The following HDAC4 variants were observed in gnomAD, a reference collection of about 807,000 sequenced individuals.
The protein encoded by HDAC4 is histone deacetylase A.
Under a neutral mutation model 135.1 loss-of-function variants are expected in HDAC4, and 16 were observed. That is an observed-to-expected ratio of 0.12 (90% CI 0.08 to 0.18). The LOEUF is 0.18. Among genes scored for constraint, HDAC4 ranks in the 10% least tolerant of loss-of-function variants. The pLI, the probability that HDAC4 is intolerant of heterozygous loss-of-function variation, is 1.00. For missense variants in HDAC4, 1,143 were observed against 1,511.8 expected, an observed-to-expected ratio of 0.76 and a Z score of 4.05; for synonymous variants, 685 against 653.4, an observed-to-expected ratio of 1.05 and a Z score of -0.74.
upstream of HDAC4, chr2:239,401,595 G>T: frequency 4.0e-6 from 1 of 248,434 alleles, no homozygotes; most frequent in Non-Finnish European, 7.9e-6. Flanking sequence ...ATGGGGTGCA[G>T]GCTAACGCGG....
chr2:239,255,277 T>G (rs1379640384), intron 2 of HDAC4, among the ~76,000 whole-genome samples: 1 of 149,250 alleles, frequency 6.7e-6, no homozygotes, highest in Non-Finnish European at 1.5e-5. Context: ...CGAGACTATG[T>G]GTAATCTTGT....
chr2:239,107,315 G>A (rs2038236959), intron 15 of HDAC4, among the ~76,000 whole-genome samples: 1 of 152,262 alleles, frequency 6.6e-6, no homozygotes, highest in African/African-American at 2.4e-5. Flanking sequence ...CAGGGCTCTG[G>A]TTCCTATCAG....
At chr2:239,136,900 C>T (rs1188491289) in intron 9 of HDAC4, among the ~76,000 whole-genome samples, 3 of 152,176 alleles carry the variant, frequency 2.0e-5, no homozygotes, top group Non-Finnish European at 2.9e-5. Context: ...CTGCAACTCC[C>T]TTTAGATTTG....
chr2:239,298,812 T>C (rs920459523), intron 2 of HDAC4, among the ~76,000 whole-genome samples: 1 of 152,144 alleles, frequency 6.6e-6, no homozygotes, highest in African/African-American at 2.4e-5. Context: ...AACAACATTA[T>C]TTCCTCCTAA....
chr2:239,084,779 C>CACACCCCACACACACCCCAA (rs1559394766), intron 19 of HDAC4, among the ~76,000 whole-genome samples: 55 of 148,332 alleles, frequency 3.7e-4, no homozygotes, highest in African/African-American at 1.3e-3. Flanking sequence ...ACACACTCCA[C>CACACCCCACACACACCCCAA]ACAGACACAC....
In HDAC4 at chr2:239,167,888, C is replaced by A. The variant is rs905992715; in HGVS notation, c.491-3965G>T. 1.3e-5 allele frequency among the ~76,000 whole-genome samples: 2 copies of A among 151,338 alleles called. No individual in the cohort carries two copies. Among genetic ancestry groups the A allele is most frequent in the Admixed American group, 1.3e-4 (2 of 15,184 alleles). On this transcript the variant is annotated intron_variant, in intron 5 of 26. Transcript: ENST00000543185. The surrounding 1 kb of genome is among the most constrained non-coding windows in gnomAD (Gnocchi z 4.1). The stretch of plus-strand genomic sequence containing the variant: ...CCATACCAGGGGGCAGAGAGTGCAC[C>A]CGAGACCTAAGGAATGAGCGAGCAA...
chr2:239,115,345 G>T lies in HDAC4; in HGVS notation c.1534-35C>A. On this transcript the variant is annotated intron_variant, in intron 12 of 26. Coordinates refer to ENST00000543185, the MANE Select transcript of HDAC4 (RefSeq NM_001378414.1). The surrounding 1 kb of genome is among the most constrained non-coding windows in gnomAD (Gnocchi z 6.3). The stretch of plus-strand genomic sequence containing the variant: ...GGAGGTAACACATGAAGCACAGAGA[G>T]CTGGGTCCTCTGAGCTCATCTGACA... 1.2e-6 allele frequency: 2 copies of T among 1,612,232 alleles called. No homozygotes were observed.
intron 2 of HDAC4, among the ~76,000 whole-genome samples, chr2:239,281,294 T>A (rs1270487940): frequency 1.0e-4 from 11 of 106,016 alleles, no homozygotes; most frequent in African/African-American, 3.6e-4. Context: ...CACTCTACAA[T>A]GAACACACCA....
At position 239,337,738 on chromosome 2, in the gene HDAC4, C is replaced by A. The variant is rs561692421; in HGVS notation, c.22+14940G>T. On this transcript the variant is annotated intron_variant, in intron 2 of 26. Coordinates refer to ENST00000543185, the MANE Select transcript of HDAC4 (RefSeq NM_001378414.1). ...GGAGACAGGATGCACCCAAAGTGGC[C>A]CCTGGCTGTGCGTGACAAAGCTTTC... is the stretch of plus-strand genomic sequence containing the variant. Among the ~76,000 whole-genome samples the A allele has an allele frequency of 2.6e-5, 4 of 152,232 alleles. No homozygotes were observed. In the East Asian group the frequency reaches 7.7e-4, roughly 29 times the overall value.
At chr2:239,077,043 T>C (rs1342201637) in intron 22 of HDAC4, among the ~76,000 whole-genome samples, 1 of 152,152 alleles carries the variant, frequency 6.6e-6, no homozygotes, top group Non-Finnish European at 1.5e-5. Context: ...TCTCTGCCGC[T>C]GTTTTCTGGG....
chr2:239,315,968 C>A (rs2053098025), intron 2 of HDAC4, among the ~76,000 whole-genome samples: 1 of 152,170 alleles, frequency 6.6e-6, no homozygotes, highest in African/African-American at 2.4e-5. Context: ...AAACTGTGAG[C>A]AGTTACTTGC....
intron 3 of HDAC4, among the ~76,000 whole-genome samples, chr2:239,193,749 G>A (rs994403726): frequency 6.6e-6 from 1 of 152,236 alleles, no homozygotes; most frequent in Non-Finnish European, 1.5e-5. Flanking sequence ...GGGAAGGCGG[G>A]GCAGGCTCTG....
Position 239,190,094 on chromosome 2 carries a change from C to G in HDAC4, c.95-17G>C. On this transcript the variant is annotated splice_polypyrimidine_tract_variant and intron_variant, in intron 3 of 26. Transcript: ENST00000543185. ...CCACATCCACTGTGGGAAAAACAAG[C>G]AGGAGAGCCGGTCACTGCCGCCCTT... 2 of 1,594,732 alleles carry G rather than the reference C, an allele frequency of 1.3e-6. No homozygotes were observed. Among genetic ancestry groups the G allele is most frequent in the East Asian group, 2.2e-5 (1 of 44,502 alleles).
At chr2:239,319,488 T>C (rs1271801916) in intron 2 of HDAC4, among the ~76,000 whole-genome samples, 1 of 152,246 alleles carries the variant, frequency 6.6e-6, no homozygotes, top group Non-Finnish European at 1.5e-5. Flanking sequence ...CTGGTCAGCC[T>C]GAAGACACTG....
intron 4 of HDAC4, 138 bp downstream of exon 4, chr2:239,189,695 C>G: frequency 1.3e-6 from 1 of 783,172 alleles, no homozygotes; most frequent in Non-Finnish European, 2.1e-6. Context: ...GTGTTACCGT[C>G]CCAACGCAGA....
intron 12 of HDAC4, among the ~76,000 whole-genome samples, chr2:239,118,003 A>AC (rs1354808817): frequency 6.6e-6 from 1 of 152,138 alleles, no homozygotes; most frequent in Admixed American, 6.5e-5. Flanking sequence ...AGCCTGAACT[A>AC]CGGGGCACGG....
At chr2:239,144,929 G>C (rs2041653241) in intron 7 of HDAC4, among the ~76,000 whole-genome samples, 1 of 152,156 alleles carries the variant, frequency 6.6e-6, no homozygotes, top group South Asian at 2.1e-4. Flanking sequence ...CTGGTGCTTT[G>C]GATAAATTTC....
chr2:239,182,287 A>G (rs1052278104), intron 4 of HDAC4, among the ~76,000 whole-genome samples: 10 of 152,172 alleles, frequency 6.6e-5, no homozygotes, highest in African/African-American at 2.4e-4. Context: ...TCTGGCTGTC[A>G]CCTGCACAGG....
intron 1 of HDAC4, among the ~76,000 whole-genome samples, chr2:239,394,059 A>G (rs1696404078): frequency 6.9e-6 from 1 of 144,258 alleles, no homozygotes; most frequent in Non-Finnish European, 1.5e-5. Context: ...CCGCTCCAGC[A>G]AATAGCAACA....
Sources: allele counts gnomAD v4.1 joint callset (sites outside exome capture counted in the v4.1 genomes callset), GRCh38; gene constraint gnomAD v4.1.1; non-coding constraint Gnocchi (gnomAD v3.1); transcripts MANE v1.5; gene names NCBI Gene and HGNC (gene_info 2026-07-23, HGNC 2026-07-21).